Variants in CFAP299 observed in about 807,000 individuals in gnomAD.
The protein encoded by CFAP299 is cilia and flagella associated protein 299, also known as cilia- and flagella-associated protein 299.
Under a neutral mutation model 27.0 loss-of-function variants are expected in CFAP299, and 21 were observed. The ratio of observed to expected loss-of-function variants is 0.78; its 90% CI spans 0.55 to 1.12. The LOEUF (loss-of-function observed/expected upper bound fraction) is 1.12, where lower values mean the gene tolerates loss of function less well. CFAP299 is among the 50% of genes most tolerant of loss of function. CFAP299 has a pLI of 0.00. For synonymous variants in CFAP299, 104 were observed against 98.1 expected (o/e 1.06, Z -0.36); for missense variants, 310 against 276.6 (o/e 1.12, Z -0.86).
At chr4:80,609,797 C>T (rs12639967) in intron 3 of CFAP299, among the ~76,000 whole-genome samples, 17,226 of 151,758 alleles carry the variant, frequency 0.11, 1,118 homozygotes, top group Middle Eastern at 0.22. Context: ...ATGCTATATT[C>T]TATAAGTTTT....
intron 2 of CFAP299, among the ~76,000 whole-genome samples, chr4:80,409,206 A>G (rs1410359588): frequency 1.3e-5 from 2 of 152,144 alleles, no homozygotes; most frequent in African/African-American, 4.8e-5. Context: ...TGCTGGTTCC[A>G]AATATTATTA....
chr4:80,926,666 T>C (rs1014596954), intron 4 of CFAP299, among the ~76,000 whole-genome samples: 17 of 152,164 alleles, frequency 1.1e-4, no homozygotes, highest in Admixed American at 7.2e-4. Context: ...CATCAAATTA[T>C]GACTCACAAA....
At chr4:80,938,432 G>C (rs941886734) in intron 4 of CFAP299, among the ~76,000 whole-genome samples, 2 of 152,232 alleles carry the variant, frequency 1.3e-5, no homozygotes, top group Non-Finnish European at 2.9e-5. Context: ...TGATCCTGCT[G>C]CAGATAACTA....
intron 3 of CFAP299, among the ~76,000 whole-genome samples, chr4:80,859,789 C>G (rs1367975008): frequency 6.6e-6 from 1 of 152,206 alleles, no homozygotes; most frequent in African/African-American, 2.4e-5. Flanking sequence ...GCTTGTTAGT[C>G]TGATCCACTT....
At chr4:80,385,341 T>G (rs1724912264) in intron 2 of CFAP299, among the ~76,000 whole-genome samples, 1 of 152,200 alleles carries the variant, frequency 6.6e-6, no homozygotes, top group Admixed American at 6.5e-5. Context: ...TTTTCTTTTG[T>G]TTTATTGTTT....
chr4:80,862,443 G>GA (rs1215632479), intron 3 of CFAP299, among the ~76,000 whole-genome samples: 1 of 151,982 alleles, frequency 6.6e-6, no homozygotes, highest in Non-Finnish European at 1.5e-5. Flanking sequence ...AACTAGGAGA[G>GA]AAAAAAACAA....
At chr4:80,829,246 C>A (rs1335219128) in intron 3 of CFAP299, among the ~76,000 whole-genome samples, 1 of 151,518 alleles carries the variant, frequency 6.6e-6, no homozygotes, top group Non-Finnish European at 1.5e-5. Context: ...AACAAATAAC[C>A]CAATTCAAAA....
At position 80,493,932 on chromosome 4, in the gene CFAP299, C is replaced by T. The variant is rs907655531; in HGVS notation, c.243-89161C>T. Among the ~76,000 whole-genome samples the T allele has an allele frequency of 4.0e-5, 6 of 151,308 alleles. No individual in the cohort carries two copies. In the East Asian group the frequency reaches 5.8e-4, roughly 15 times the overall value. On this transcript the variant is annotated intron_variant, in intron 2 of 5. Transcript: ENST00000358105. The stretch of plus-strand genomic sequence containing the variant: ...CTGGGACTACAGGCGCCCGCCACCA[C>T]GCCCGGCTAATTTTTTGTATTTTTA...
intron 2 of CFAP299, among the ~76,000 whole-genome samples, chr4:80,517,601 C>T (rs949850538): frequency 6.6e-6 from 1 of 152,132 alleles, no homozygotes; most frequent in African/African-American, 2.4e-5. Flanking sequence ...GATAATTATA[C>T]ACATTTTGAA....
chr4:80,626,981 T>C (rs910359932), intron 3 of CFAP299, among the ~76,000 whole-genome samples: 1 of 151,678 alleles, frequency 6.6e-6, no homozygotes, highest in African/African-American at 2.4e-5. Context: ...CTTTCAAACT[T>C]ATTTTATCAG....
chr4:80,499,620 AGTG>A (rs1034864027), intron 2 of CFAP299, among the ~76,000 whole-genome samples: 59 of 152,134 alleles, frequency 3.9e-4, no homozygotes, highest in African/African-American at 1.3e-3. Context: ...TACTCACCTA[AGTG>A]GAAAATCTCT....
intron 1 of CFAP299, among the ~76,000 whole-genome samples, chr4:80,346,540 C>G (rs966266145): frequency 1.3e-5 from 2 of 152,108 alleles, no homozygotes; most frequent in Non-Finnish European, 2.9e-5. Context: ...GAATCCTTTC[C>G]CCAGTGCTTG....
intron 3 of CFAP299, among the ~76,000 whole-genome samples, chr4:80,780,674 CTATA>C: frequency 6.6e-6 from 1 of 151,964 alleles, no homozygotes; most frequent in South Asian, 2.1e-4. Context: ...TTTTGTCTGA[CTATA>C]TACATAGGAC....
intron 4 of CFAP299, among the ~76,000 whole-genome samples, chr4:80,895,130 A>G (rs1456718286): frequency 2.0e-5 from 3 of 151,732 alleles, no homozygotes; most frequent in Admixed American, 6.6e-5. Flanking sequence ...CCTATTATAT[A>G]CTTGAAATTT....
chr4:80,329,065 T>C, the CFAP299 span, among the ~76,000 whole-genome samples: 2 of 152,020 alleles, frequency 1.3e-5, no homozygotes. Context: ...TAAAACAATA[T>C]AAGATTTCTT....
chr4:80,963,584 T>C lies in CFAP299; in HGVS notation c.674T>C (p.Phe225Ser), dbSNP rs1308054062. The part of the protein sequence containing the change: ...LTELYVQAVI[F>S]DHISRRKT The stretch of plus-strand genomic sequence containing the variant: ...GAACTCTACGTACAAGCTGTCATTT[T>C]TGACCACATTTCCAGAAGGAAGACT... Residue 225 changes from phenylalanine to serine, a missense_variant, in exon 6 of 6, where the codon TTT becomes TCT. Phe to Ser is a radical substitution (Grantham distance 155). Transcript: ENST00000358105. 2.5e-6 allele frequency: 4 copies of C among 1,606,252 alleles called. No individual in the cohort carries two copies. Among genetic ancestry groups the C allele is most frequent in the Non-Finnish European group, 3.4e-6 (4 of 1,175,358 alleles).
At chr4:80,452,898 T>C (rs930546517) in intron 2 of CFAP299, among the ~76,000 whole-genome samples, 5 of 152,298 alleles carry the variant, frequency 3.3e-5, no homozygotes, top group Admixed American at 2.6e-4. Flanking sequence ...AAAATGATGT[T>C]TGCATTAGTT....
chr4:80,357,250 T>C (rs1471998041), intron 1 of CFAP299, among the ~76,000 whole-genome samples: 1 of 152,214 alleles, frequency 6.6e-6, no homozygotes, highest in Non-Finnish European at 1.5e-5. Flanking sequence ...AGTATTTTAT[T>C]GAGGATTTTT....
chr4:80,912,797 G>T (rs1421641876), intron 4 of CFAP299, among the ~76,000 whole-genome samples: 1 of 152,088 alleles, frequency 6.6e-6, no homozygotes, highest in Non-Finnish European at 1.5e-5. Flanking sequence ...TGATCCACTG[G>T]CCAGGCTACC....
Sources: gnomAD v4.1 joint callset for allele counts (sites outside exome capture counted in the v4.1 genomes callset) on GRCh38, gnomAD v4.1.1 for gene constraint, MANE v1.5 for transcripts, NCBI Gene and HGNC (gene_info 2026-07-23, HGNC 2026-07-21) for gene names.